Variants in FRA10AC1 observed in about 807,000 individuals in gnomAD.
FRA10AC1 encodes the protein protein FRA10AC1.
FRA10AC1 carries 43 observed loss-of-function variants against 56.5 expected under a neutral mutation model. That is an observed-to-expected ratio of 0.76 (90% CI 0.60 to 0.98). FRA10AC1 has a LOEUF of 0.98. Ranked by LOEUF, FRA10AC1 falls within the 50% of genes least tolerant of loss-of-function variation. The pLI is 0.00. For missense variants in FRA10AC1, 346 were observed against 351.8 expected (o/e 0.98, Z 0.13); for synonymous variants, 112 against 110.5 (o/e 1.01, Z -0.09).
At chr10:93,685,398 GATA>G in intron 8 of FRA10AC1, 39 bp from the exon 9 acceptor site, 1 of 913,436 alleles carries the variant, frequency 1.1e-6, no homozygotes, top group Non-Finnish European at 1.8e-6. Flanking sequence ...GGTAGTTGGT[GATA>G]ATATTTATCT....
intron 7 of FRA10AC1, among the ~76,000 whole-genome samples, chr10:93,691,096 A>G (rs1360599384): frequency 1.3e-5 from 2 of 152,208 alleles, no homozygotes; most frequent in Non-Finnish European, 2.9e-5. Flanking sequence ...ATATTTATGC[A>G]ACATTCCCTC....
chr10:93,686,736 C>T (rs754148794), intron 8 of FRA10AC1, among the ~76,000 whole-genome samples: 4 of 151,568 alleles, frequency 2.6e-5, no homozygotes, highest in African/African-American at 7.3e-5. Context: ...AAATTATTTC[C>T]TTAGTGCTAC....
intron 7 of FRA10AC1, among the ~76,000 whole-genome samples, chr10:93,690,121 C>A (rs2059102550): frequency 6.6e-6 from 1 of 152,088 alleles, no homozygotes; most frequent in Non-Finnish European, 1.5e-5. Flanking sequence ...CTGAATAATA[C>A]ATTGTCTTTG....
rs2058747916 is a variant in FRA10AC1, at chr10:93,670,784, T to C, written c.891A>G (p.Thr297=). The change falls in exon 13 of 14, where the codon ACA becomes ACG. Residue 297 remains threonine, a synonymous_variant. Coordinates refer to ENST00000359204, the MANE Select transcript of FRA10AC1 (RefSeq NM_145246.5). The stretch of plus-strand genomic sequence containing the variant: ...TCAGCACTTACTGTGATTTTTCATC[T>C]GTCTCTGGTAGTGGACCCTTCCAAA... ...SELWKGPLPE[T]DEKSQEEEFD... is the part of the protein sequence containing the mutation. 1 of 1,606,780 alleles carries C rather than the reference T, an allele frequency of 6.2e-7. No individual in the cohort carries two copies. Among genetic ancestry groups the C allele is most frequent in the Admixed American group, 1.7e-5 (1 of 59,874 alleles).
At chr10:93,689,944 A>C (rs766337162) in intron 7 of FRA10AC1, among the ~76,000 whole-genome samples, 78 of 152,050 alleles carry the variant, frequency 5.1e-4, no homozygotes, top group Admixed American at 7.9e-4. Flanking sequence ...TTTTTCGGGG[A>C]GTCTTCTCTG....
At chr10:93,682,951 T>TG (rs34195015) in intron 10 of FRA10AC1, among the ~76,000 whole-genome samples, 61,751 of 152,036 alleles carry the variant, frequency 0.41, 14,659 homozygotes, top group Non-Finnish European at 0.52. Flanking sequence ...CCCATGTGAT[T>TG]AAAAAAAAGA....
intron 7 of FRA10AC1, among the ~76,000 whole-genome samples, chr10:93,688,499 A>G (rs1487293553): frequency 6.6e-6 from 1 of 152,134 alleles, no homozygotes; most frequent in African/African-American, 2.4e-5. Context: ...AATGTAAGCT[A>G]TGGACTTCAA....
At chr10:93,692,841 G>GT in intron 5 of FRA10AC1, 112 bp from the exon 6 acceptor site, 1 of 558,330 alleles carries the variant, frequency 1.8e-6, no homozygotes, top group Non-Finnish European at 3.1e-6. Flanking sequence ...CATGAAGATA[G>GT]TTTTTTGGTG....
At chr10:93,688,803 A>G (rs1427529098) in intron 7 of FRA10AC1, among the ~76,000 whole-genome samples, 1 of 152,134 alleles carries the variant, frequency 6.6e-6, no homozygotes, top group Non-Finnish European at 1.5e-5. Context: ...CAAAACAAAC[A>G]AACAAAAACT....
intron 12 of FRA10AC1, 72 bp from the exon 13 acceptor site, chr10:93,670,920 C>G (rs1052329771): frequency 1.0e-6 from 1 of 966,960 alleles, no homozygotes; most frequent in African/African-American, 1.6e-5. Flanking sequence ...TTCGCCAATA[C>G]AATTAACTTT....
rs911493291 is a variant in FRA10AC1 at position 93,685,406 on chromosome 10, T to G, written c.512-47A>C. 4 of 861,894 alleles carry G rather than the reference T, an allele frequency of 4.6e-6. No homozygotes were observed. The African/African-American group carries it at 5.1e-5, about 11-fold the overall frequency. 53.4% of individuals were successfully genotyped at this position (861,894 alleles called of 1,614,324 possible). On this transcript the variant is annotated intron_variant, in intron 8 of 13. Transcript: ENST00000359204. ...TAGCTATGGTAGTTGGTGATAATAT[T>G]TATCTATATGATCTAGTATTACCCC...
intron 13 of FRA10AC1, among the ~76,000 whole-genome samples, chr10:93,670,415 T>C (rs2058742227): frequency 6.6e-6 from 1 of 152,160 alleles, no homozygotes; most frequent in Non-Finnish European, 1.5e-5. Flanking sequence ...GATAGCAGTA[T>C]AGAAGTGTAC....
chr10:93,700,196 C>A, intron 1 of FRA10AC1, 90 bp from the exon 2 acceptor site: 1 of 762,962 alleles, frequency 1.3e-6, no homozygotes. Context: ...CTTAAACAGC[C>A]ACAATAGTTT....
At chr10:93,676,900 C>G (rs1686304761) in intron 11 of FRA10AC1, among the ~76,000 whole-genome samples, 1 of 152,022 alleles carries the variant, frequency 6.6e-6, no homozygotes, top group Non-Finnish European at 1.5e-5. Context: ...CTTATGTGCT[C>G]ATATGGTCTG....
rs776645331 is a variant in FRA10AC1, at chr10:93,670,866, A to T, written c.827-18T>A. On this transcript the variant is annotated intron_variant, in intron 12 of 13. Transcript: ENST00000359204. ...AGAGTTTCCTGTTCATTTAAAAAAG[A>T]TGATTTTTAAAAACCTATTATACTT... The T allele has an allele frequency of 6.4e-6, 10 of 1,570,872 alleles. No individual in the cohort carries two copies. In the South Asian group the frequency reaches 1.1e-4, roughly 17 times the overall value.
chr10:93,700,758 T>C (rs749588362), intron 1 of FRA10AC1, among the ~76,000 whole-genome samples: 22 of 152,190 alleles, frequency 1.4e-4, no homozygotes, highest in Non-Finnish European at 2.4e-4. Context: ...TATGTAGAGA[T>C]TTCCATTTTC....
intron 12 of FRA10AC1, chr10:93,673,216 G>A: frequency 2.5e-6 from 1 of 405,172 alleles, no homozygotes; most frequent in South Asian, 1.8e-5. Flanking sequence ...TCTGTTTTTG[G>A]GCAGTTCTGC....
At chr10:93,685,381 T>C in intron 8 of FRA10AC1, 22 bp from the exon 9 acceptor site, 1 of 1,023,544 alleles carries the variant, frequency 9.8e-7, no homozygotes, top group Non-Finnish European at 1.5e-6. Context: ...AAAGGAATAT[T>C]AGCTATGGTA....
intron 10 of FRA10AC1, among the ~76,000 whole-genome samples, chr10:93,683,620 G>C (rs1035154219): frequency 1.3e-5 from 2 of 152,112 alleles, no homozygotes; most frequent in African/African-American, 4.8e-5. Flanking sequence ...CCAAGTGCTA[G>C]GATTACAGGC....
Sources: allele counts gnomAD v4.1 joint callset (sites outside exome capture counted in the v4.1 genomes callset), GRCh38; gene constraint gnomAD v4.1.1; transcripts MANE v1.5; gene names NCBI Gene and HGNC (gene_info 2026-07-23, HGNC 2026-07-21).